The following FKBP9 variants were observed in gnomAD, a reference collection of about 807,000 sequenced individuals.
FKBP9 encodes peptidyl-prolyl cis-trans isomerase FKBP9.
In FKBP9, 27 loss-of-function variants were observed where a neutral mutation model predicts 55.6. That is an observed-to-expected ratio of 0.49 (90% CI 0.36 to 0.67). FKBP9 has a LOEUF of 0.67. FKBP9 is among the 30% of genes least tolerant of loss of function. The probability of loss-of-function intolerance (pLI) is 0.00; values close to 1 mark genes in which losing one functional copy is unlikely to be tolerated. For synonymous variants in FKBP9, 267 were observed against 296.5 expected, an observed-to-expected ratio of 0.90 and a Z score of 1.02; for missense variants, 539 against 742.8, an observed-to-expected ratio of 0.73 and a Z score of 3.19.
chr7:32,958,585 C>G (rs2127974368), intron 1 of FKBP9, among the ~76,000 whole-genome samples: 1 of 152,236 alleles, frequency 6.6e-6, no homozygotes, highest in South Asian at 2.1e-4. Context: ...CGCTTGAGCC[C>G]AGGAGTTTGG....
intron 4 of FKBP9, among the ~76,000 whole-genome samples, chr7:32,977,906 T>TATATATAC (rs1784397243): frequency 7.9e-6 from 1 of 126,436 alleles, no homozygotes; most frequent in East Asian, 2.3e-4. Flanking sequence ...CATATATATA[T>TATATATAC]ACTCATATAT....
At chr7:32,990,555 G>A (rs932378872) in intron 6 of FKBP9, among the ~76,000 whole-genome samples, 1 of 151,906 alleles carries the variant, frequency 6.6e-6, no homozygotes, top group African/African-American at 2.4e-5. Context: ...TTTATGTATA[G>A]GTTTAAAAAA....
At chr7:32,974,982 G>A (rs1393210427) in intron 2 of FKBP9, 200 bp from the exon 3 acceptor site, 2 of 638,936 alleles carry the variant, frequency 3.1e-6, no homozygotes, top group Non-Finnish European at 5.4e-6. Context: ...TACCCTCAAT[G>A]AGAAGAAGAC....
intron 6 of FKBP9, chr7:32,992,983 A>G (rs895682440): frequency 4.3e-6 from 1 of 231,436 alleles, no homozygotes. Flanking sequence ...GTGTGAATCG[A>G]CCTCTACACT....
intron 8 of FKBP9, among the ~76,000 whole-genome samples, chr7:33,000,970 G>A (rs1784918720): frequency 6.6e-6 from 1 of 152,074 alleles, no homozygotes; most frequent in South Asian, 2.1e-4. Context: ...TAGAGACAGA[G>A]TCTCGCTATC....
chr7:33,004,095 TCGTAGGC>T (rs1361063461), intron 9 of FKBP9, among the ~76,000 whole-genome samples: 5 of 152,092 alleles, frequency 3.3e-5, no homozygotes, highest in Non-Finnish European at 7.4e-5. Flanking sequence ...TCTCTTTCTC[TCGTAGGC>T]CGTAATGGTC....
chr7:32,974,126 C>T (rs1448110906), intron 1 of FKBP9, among the ~76,000 whole-genome samples: 1 of 151,686 alleles, frequency 6.6e-6, no homozygotes, highest in African/African-American at 2.4e-5. Flanking sequence ...ACCTCAGCTT[C>T]CAAAGTAGCT....
At chr7:32,965,285 C>T (rs1181913662) in intron 1 of FKBP9, among the ~76,000 whole-genome samples, 1 of 152,034 alleles carries the variant, frequency 6.6e-6, no homozygotes, top group African/African-American at 2.4e-5. Context: ...TGTATGCTAC[C>T]ACACCTGGCT....
intron 1 of FKBP9, among the ~76,000 whole-genome samples, chr7:32,968,850 G>C (rs1462145982): frequency 6.6e-6 from 1 of 151,888 alleles, no homozygotes; most frequent in African/African-American, 2.4e-5. Flanking sequence ...TAGAGACGGG[G>C]TTTTGCCATG....
intron 6 of FKBP9, among the ~76,000 whole-genome samples, chr7:32,995,944 C>T (rs2953596): frequency 8.5e-5 from 13 of 152,220 alleles, no homozygotes; most frequent in South Asian, 2.1e-4. Context: ...GTGAGACCCA[C>T]GGCAAATCTG....
chr7:32,988,697 T>A (rs779513875), intron 6 of FKBP9, 45 bp downstream of exon 6: 2 of 1,597,276 alleles, frequency 1.3e-6, no homozygotes, highest in South Asian at 2.2e-5. Context: ...TGTGGCTGCT[T>A]CCACATTGCT....
rs1219890993 is a variant in FKBP9 at position 32,963,680 on chromosome 7, AG to A, written c.221+5889del. The A allele has an allele frequency of 7.0e-6, 10 of 1,437,416 alleles. No individual in the cohort carries two copies. In the South Asian group the frequency reaches 1.5e-4, roughly 21 times the overall value. The allele number at this position is 1,437,416 out of a possible 1,614,324, so 89.0% of individuals were successfully genotyped here. On this transcript the variant is annotated intron_variant, in intron 1 of 9. Transcript: ENST00000242209. ...TTGGAAGGATCTCCAATTCCTTGTG[AG>A]GGTCCAGAATCATGGACTGAGGTGA...
chr7:32,974,128 A>G (rs985714350), intron 1 of FKBP9, among the ~76,000 whole-genome samples: 3 of 151,330 alleles, frequency 2.0e-5, no homozygotes, highest in African/African-American at 7.3e-5. Flanking sequence ...CTCAGCTTCC[A>G]AAGTAGCTGG....
At chr7:32,962,462 C>A (rs1784045210) in intron 1 of FKBP9, among the ~76,000 whole-genome samples, 1 of 152,122 alleles carries the variant, frequency 6.6e-6, no homozygotes, top group African/African-American at 2.4e-5. Flanking sequence ...TTTGTATATT[C>A]ATTCATTTAT....
chr7:32,987,180 A>C (rs1784595232), intron 5 of FKBP9, among the ~76,000 whole-genome samples: 1 of 152,038 alleles, frequency 6.6e-6, no homozygotes, highest in Admixed American at 6.6e-5. Context: ...CTCAGTGTGT[A>C]TGCTGCTTTC....
intron 5 of FKBP9, among the ~76,000 whole-genome samples, chr7:32,987,988 G>A (rs1413025547): frequency 1.3e-5 from 2 of 151,526 alleles, no homozygotes; most frequent in Non-Finnish European, 2.9e-5. Flanking sequence ...AGACCAGGCT[G>A]AGCAACATAG....
At chr7:33,005,001 A>C (rs1292607031) in intron 9 of FKBP9, among the ~76,000 whole-genome samples, 174 bp from the exon 10 acceptor site, 2 of 151,750 alleles carry the variant, frequency 1.3e-5, no homozygotes, top group Non-Finnish European at 2.9e-5. Context: ...GCATTTAGAG[A>C]AAAAAAACAA....
intron 1 of FKBP9, among the ~76,000 whole-genome samples, chr7:32,958,859 C>T (rs1174402710): frequency 6.6e-6 from 1 of 152,200 alleles, no homozygotes; most frequent in East Asian, 1.9e-4. Context: ...GGCTACTCCT[C>T]GCCAAGGCTT....
chr7:32,990,212 G>A (rs1784653465), intron 6 of FKBP9, among the ~76,000 whole-genome samples: 2 of 152,072 alleles, frequency 1.3e-5, no homozygotes, highest in South Asian at 4.1e-4. Context: ...TTATCCAGGT[G>A]GCCTCAAAAT....
Sources: allele counts gnomAD v4.1 joint callset (sites outside exome capture counted in the v4.1 genomes callset), GRCh38; gene constraint gnomAD v4.1.1; transcripts MANE v1.5; gene names NCBI Gene and HGNC (gene_info 2026-07-23, HGNC 2026-07-21).